The following MAML3 variants were observed in gnomAD, a reference collection of about 807,000 sequenced individuals.
MAML3 encodes the protein mastermind like transcriptional coactivator 3.
Under a neutral mutation model 101.9 loss-of-function variants are expected in MAML3, and 27 were observed. The observed-to-expected ratio is 0.27, with a 90% CI of 0.20 to 0.37. MAML3 has a LOEUF of 0.37. Among genes scored for constraint, MAML3 ranks in the 10% least tolerant of loss-of-function variants. The pLI is 1.00. For missense variants in MAML3, 1,316 were observed against 1,444.9 expected (o/e 0.91, Z 1.45); for synonymous variants, 501 against 555.9 (o/e 0.90, Z 1.39).
chr4:139,991,082 C>T (rs1328728726), intron 1 of MAML3, among the ~76,000 whole-genome samples: 1 of 152,128 alleles, frequency 6.6e-6, no homozygotes, highest in Non-Finnish European at 1.5e-5. Context: ...AAAAGAGAGC[C>T]CGCATCTCCA....
chr4:139,822,244 C>G (rs1210727492), intron 2 of MAML3, among the ~76,000 whole-genome samples: 1 of 149,562 alleles, frequency 6.7e-6, no homozygotes, highest in Admixed American at 6.7e-5. Flanking sequence ...CCACCACCAC[C>G]ACCACCACCA....
intron 1 of MAML3, among the ~76,000 whole-genome samples, chr4:139,915,720 C>T (rs923149485): frequency 6.6e-6 from 1 of 152,166 alleles, no homozygotes; most frequent in African/African-American, 2.4e-5. Flanking sequence ...TCTGAACCCA[C>T]TATAACATGG....
At chr4:139,995,463 G>A (rs1264029988) in intron 1 of MAML3, among the ~76,000 whole-genome samples, 2 of 152,094 alleles carry the variant, frequency 1.3e-5, no homozygotes, top group African/African-American at 4.8e-5. Context: ...GAAGCCATCT[G>A]GGCCTGTGCT....
intron 1 of MAML3, among the ~76,000 whole-genome samples, chr4:140,104,983 T>C (rs1051570024): frequency 6.6e-6 from 1 of 152,128 alleles, no homozygotes; most frequent in Admixed American, 6.5e-5. Context: ...CTCCCTAAAC[T>C]TTCTGAGTGG....
chr4:140,060,365 C>CAAAAAAAAAAAAAAAAA (rs70943471), intron 1 of MAML3, among the ~76,000 whole-genome samples: 3,047 of 19,106 alleles, frequency 0.16, 1,358 homozygotes, highest in Non-Finnish European at 0.23. Flanking sequence ...GACTCTGTCT[C>CAAAAAAAAAAAAAAAAA]AAAAAAAAAA....
intron 2 of MAML3, among the ~76,000 whole-genome samples, chr4:139,883,066 A>G (rs1364579584): frequency 6.6e-6 from 1 of 152,196 alleles, no homozygotes; most frequent in African/African-American, 2.4e-5. Flanking sequence ...CAGACGACGC[A>G]ACACAGAACG....
chr4:139,828,987 A>G (rs1361885048), intron 2 of MAML3, among the ~76,000 whole-genome samples: 2 of 124,322 alleles, frequency 1.6e-5, no homozygotes, highest in African/African-American at 3.2e-5. Context: ...GGAAGGAAGG[A>G]AGGAAGGAAG....
At chr4:139,988,886 C>T (rs1734607746) in intron 1 of MAML3, among the ~76,000 whole-genome samples, 1 of 152,132 alleles carries the variant, frequency 6.6e-6, no homozygotes. Context: ...CTTACTTACC[C>T]CTGTTAAACA....
intron 1 of MAML3, among the ~76,000 whole-genome samples, chr4:139,973,595 C>T (rs1025126786): frequency 6.6e-6 from 1 of 152,156 alleles, no homozygotes; most frequent in African/African-American, 2.4e-5. Context: ...ATATTCAAGT[C>T]AGGCCCCAGT....
At chr4:140,031,202 C>T (rs1726902128) in intron 1 of MAML3, among the ~76,000 whole-genome samples, 1 of 152,098 alleles carries the variant, frequency 6.6e-6, no homozygotes, top group Non-Finnish European at 1.5e-5. Context: ...AAAGAAAACG[C>T]CATCATTATT....
At chr4:140,063,794 T>TA (rs35213696) in intron 1 of MAML3, among the ~76,000 whole-genome samples, 48,155 of 148,820 alleles carry the variant, frequency 0.32, 8,475 homozygotes, top group East Asian at 0.56. Flanking sequence ...TTGCTTGCTT[T>TA]AAAAAAAAAA....
At chr4:139,878,104 C>T (rs972870484) in intron 2 of MAML3, among the ~76,000 whole-genome samples, 7 of 152,160 alleles carry the variant, frequency 4.6e-5, no homozygotes, top group African/African-American at 1.4e-4. Context: ...AATTTTGCCT[C>T]GCTATTCCGC....
intron 1 of MAML3, among the ~76,000 whole-genome samples, chr4:140,010,376 C>T (rs1726530281): frequency 6.6e-6 from 1 of 152,084 alleles, no homozygotes; most frequent in Admixed American, 6.6e-5. Context: ...TATGTTTGTG[C>T]CGTATGGTGT....
intron 1 of MAML3, among the ~76,000 whole-genome samples, chr4:140,140,859 G>T (rs899093694): frequency 2.0e-5 from 3 of 152,076 alleles, no homozygotes; most frequent in Non-Finnish European, 2.9e-5. Context: ...CAAGGCCAGG[G>T]GTATGTGAGG....
chr4:139,823,656 C>T (rs1444609957), intron 2 of MAML3, among the ~76,000 whole-genome samples: 2 of 151,916 alleles, frequency 1.3e-5, no homozygotes, highest in Non-Finnish European at 1.5e-5. Context: ...TCCCTCACCC[C>T]GCTCTGCTTT....
chr4:139,852,280 G>A (rs1731567024), intron 2 of MAML3, among the ~76,000 whole-genome samples: 1 of 151,836 alleles, frequency 6.6e-6, no homozygotes, highest in Non-Finnish European at 1.5e-5. Context: ...ATCAACTTAT[G>A]ACCATGTCAT....
chr4:139,758,941 C>T (rs183181578), intron 2 of MAML3, among the ~76,000 whole-genome samples: 1 of 152,360 alleles, frequency 6.6e-6, no homozygotes, highest in East Asian at 1.9e-4. Context: ...ACCTGAACCT[C>T]TCTTGATGAG....
chr4:140,111,682 TACTC>T (rs1257421681), intron 1 of MAML3, among the ~76,000 whole-genome samples: 3 of 152,092 alleles, frequency 2.0e-5, no homozygotes, highest in Admixed American at 2.0e-4. Flanking sequence ...AATTTCCTGT[TACTC>T]ACCCCTACTG....
At chr4:139,924,644 G>T (rs1452186866) in intron 1 of MAML3, among the ~76,000 whole-genome samples, 1 of 152,062 alleles carries the variant, frequency 6.6e-6, no homozygotes, top group East Asian at 1.9e-4. Context: ...TCATCATCTG[G>T]CAGATTATAT....
Sources: allele counts gnomAD v4.1 joint callset (sites outside exome capture counted in the v4.1 genomes callset), GRCh38; gene constraint gnomAD v4.1.1; transcripts MANE v1.5; gene names NCBI Gene and HGNC (gene_info 2026-07-23, HGNC 2026-07-21).